Variants in PRKN observed in about 807,000 individuals in gnomAD.
PRKN encodes the protein parkin RBR E3 ubiquitin protein ligase.
In PRKN, 56 loss-of-function variants were observed where a neutral mutation model predicts 59.5. The ratio of observed to expected loss-of-function variants is 0.94; its 90% CI spans 0.76 to 1.18. The LOEUF (loss-of-function observed/expected upper bound fraction) is 1.18. PRKN is among the 50% of genes most tolerant of loss of function. The pLI is 0.00. For synonymous variants in PRKN, 250 were observed against 222.1 expected, an observed-to-expected ratio of 1.13 and a Z score of -1.12; for missense variants, 657 against 596.4, an observed-to-expected ratio of 1.10 and a Z score of -1.06.
chr6:162,432,834 G>C (rs11965961), intron 2 of PRKN, among the ~76,000 whole-genome samples: 43 of 152,228 alleles, frequency 2.8e-4, no homozygotes, highest in Admixed American at 5.2e-4. Context: ...CATGCCCCTT[G>C]TTAAACAGAT....
chr6:161,609,137 C>T (rs1292470499), intron 7 of PRKN, among the ~76,000 whole-genome samples: 1 of 152,152 alleles, frequency 6.6e-6, no homozygotes, highest in East Asian at 1.9e-4. Context: ...CCCATATGTC[C>T]AATTATGGGA....
In PRKN at chr6:162,109,275, T is replaced by A. The variant is rs149881119; in HGVS notation, c.535-55101A>T. Among the ~76,000 whole-genome samples, 1,086 of 152,184 alleles carry A rather than the reference T, an allele frequency of 7.1e-3. 10 individuals are homozygous for A. The highest frequency in any genetic ancestry group is 0.025 in the African/African-American group (1,047 of 41,510). On this transcript the variant is annotated intron_variant, in intron 4 of 11. Coordinates refer to ENST00000366898, the MANE Select transcript of PRKN (RefSeq NM_004562.3). ...CCAGAGTTGACTTCCACCTTCTACA[T>A]CAGTAAGACAAAGAAAGTCGCAAAG...
chr6:161,446,492 A>G lies in PRKN; in HGVS notation c.1084-59615T>C, dbSNP rs1054802765. The stretch of plus-strand genomic sequence containing the variant: ...TGCCCTGAAGCCTGGCGTCTGAGCC[A>G]GATCTGACTTTGTGTAGAAGCATAA... On this transcript the variant is annotated intron_variant, in intron 9 of 11. Transcript: ENST00000366898. This position sits in a 1 kb window ranked among gnomAD's most constrained non-coding sequence, Gnocchi z 6.2. Among the ~76,000 whole-genome samples, 1 of 152,174 alleles carries G rather than the reference A, an allele frequency of 6.6e-6. No individual in the cohort carries two copies. Among genetic ancestry groups the G allele is most frequent in the African/African-American group, 2.4e-5 (1 of 41,428 alleles).
At position 162,561,040 on chromosome 6, in the gene PRKN, C is replaced by T. The variant is rs375330877; in HGVS notation, c.8-117567G>A. ...CCAGATGGGACTGAGGAAGGAAAGA[C>T]GATTTGCAGCCTAGGCGATCAAAGG... On this transcript the variant is annotated intron_variant, in intron 1 of 11. Transcript: ENST00000366898. Among the ~76,000 whole-genome samples the T allele has an allele frequency of 8.5e-4, 129 of 152,118 alleles. No homozygotes were observed. In the East Asian group the frequency reaches 9.7e-3, roughly 11 times the overall value.
chr6:162,202,154 T>A (rs750396583), intron 3 of PRKN, among the ~76,000 whole-genome samples: 4 of 152,194 alleles, frequency 2.6e-5, no homozygotes, highest in Non-Finnish European at 5.9e-5. Flanking sequence ...GACATAAAAG[T>A]TTCTTTGAAA....
chr6:161,678,739 G>A, intron 7 of PRKN, among the ~76,000 whole-genome samples: 1 of 151,768 alleles, frequency 6.6e-6, no homozygotes, highest in East Asian at 1.9e-4. Context: ...TAATTTTTTT[G>A]TATTTTTAAT....
intron 1 of PRKN, among the ~76,000 whole-genome samples, chr6:162,475,626 TG>T (rs1460675600): frequency 6.6e-6 from 1 of 152,198 alleles, no homozygotes; most frequent in African/African-American, 2.4e-5. Context: ...AGTGTACGTG[TG>T]CAAATCAAGA....
chr6:161,682,961 C>A (rs1785425063), intron 7 of PRKN, among the ~76,000 whole-genome samples: 1 of 152,194 alleles, frequency 6.6e-6, no homozygotes, highest in Non-Finnish European at 1.5e-5. Context: ...ACGGAAAGGA[C>A]AACTGTAAGA....
rs1787113391 is a variant in PRKN at position 161,402,947 on chromosome 6, A to G, written c.1084-16070T>C. On this transcript the variant is annotated intron_variant, in intron 9 of 11. Transcript: ENST00000366898. The surrounding 1 kb of genome is among the most constrained non-coding windows in gnomAD (Gnocchi z 4.5). ...ATTCCCTGGGAGGGGATTCACGACA[A>G]CTGAGATCCATCAATTGTATTTGCA... is the stretch of plus-strand genomic sequence containing the variant. 6.6e-6 allele frequency among the ~76,000 whole-genome samples: 1 copy of G among 152,136 alleles called. No individual in the cohort carries two copies. Among genetic ancestry groups the G allele is most frequent in the Non-Finnish European group, 1.5e-5 (1 of 68,024 alleles).
At chr6:162,567,614 CA>C (rs1562392502) in intron 1 of PRKN, among the ~76,000 whole-genome samples, 13 of 112,042 alleles carry the variant, frequency 1.2e-4, no homozygotes, top group African/African-American at 5.8e-4. Flanking sequence ...TGAAATAAAT[CA>C]AAGAGAATGC....
intron 7 of PRKN, among the ~76,000 whole-genome samples, chr6:161,625,340 A>T (rs552945095): frequency 7.3e-5 from 11 of 150,140 alleles, no homozygotes; most frequent in Admixed American, 4.0e-4. Context: ...ATGTGTTCTC[A>T]CTCATAGGTG....
intron 6 of PRKN, among the ~76,000 whole-genome samples, chr6:161,846,971 T>C (rs1202225928): frequency 1.3e-5 from 2 of 152,110 alleles, no homozygotes; most frequent in East Asian, 3.9e-4. Flanking sequence ...CTTTGTTTGA[T>C]TCCATTATTA....
chr6:161,634,482 T>C (rs754982963), intron 7 of PRKN, among the ~76,000 whole-genome samples: 121 of 152,228 alleles, frequency 7.9e-4, no homozygotes, highest in Non-Finnish European at 1.3e-3. Flanking sequence ...GCTAAGCAAC[T>C]TGCTGCAGGT....
chr6:162,447,845 G>T (rs1790396144), intron 1 of PRKN, among the ~76,000 whole-genome samples: 1 of 152,088 alleles, frequency 6.6e-6, no homozygotes. Context: ...CAAATGATTG[G>T]TTCAGGGATG....
intron 1 of PRKN, among the ~76,000 whole-genome samples, chr6:162,615,177 A>T (rs1053288621): frequency 6.6e-6 from 1 of 152,196 alleles, no homozygotes; most frequent in African/African-American, 2.4e-5. Context: ...TATCAAAAAA[A>T]ATTTCCCACC....
intron 5 of PRKN, 121 bp from the exon 6 acceptor site, chr6:161,973,538 G>A: frequency 1.4e-6 from 1 of 702,816 alleles, no homozygotes; most frequent in Non-Finnish European, 2.6e-6. Context: ...GGTGTGAGAT[G>A]GAAATAAATC....
intron 1 of PRKN, among the ~76,000 whole-genome samples, chr6:162,675,667 A>G (rs1779518723): frequency 6.6e-6 from 1 of 152,190 alleles, no homozygotes; most frequent in Non-Finnish European, 1.5e-5. Context: ...GAGAGATACT[A>G]TGTGTCTGGA....
In PRKN at chr6:162,450,539, T is replaced by C. The variant is rs73606343; in HGVS notation, c.8-7066A>G. On this transcript the variant is annotated intron_variant, in intron 1 of 11. Coordinates refer to ENST00000366898, the MANE Select transcript of PRKN (RefSeq NM_004562.3). ...TGATCAAGGTCAACATCAACAGTGG[T>C]AAGTCATCTTGATCATGTTTACCCT... Among the ~76,000 whole-genome samples, 914 of 152,254 alleles carry C rather than the reference T, an allele frequency of 6.0e-3. 15 individuals are homozygous for C. The highest frequency in any genetic ancestry group is 0.024 in the South Asian group (116 of 4,820).
chr6:162,236,551 C>A (rs1311327694), intron 3 of PRKN, among the ~76,000 whole-genome samples: 5 of 151,744 alleles, frequency 3.3e-5, no homozygotes, highest in Non-Finnish European at 7.4e-5. Context: ...TTTGGGAGGC[C>A]GAGATGGGCC....
Sources: allele counts gnomAD v4.1 joint callset (sites outside exome capture counted in the v4.1 genomes callset), GRCh38; gene constraint gnomAD v4.1.1; non-coding constraint Gnocchi (gnomAD v3.1); transcripts MANE v1.5; gene names NCBI Gene and HGNC (gene_info 2026-07-23, HGNC 2026-07-21).